The following CD99L2 variants were observed in gnomAD, a reference collection of about 807,000 sequenced individuals.
CD99L2 encodes CD99 molecule like 2, also known as CD99 antigen-like protein 2.
CD99L2 carries 24 observed loss-of-function variants against 27.3 expected under a neutral mutation model. The ratio of observed to expected loss-of-function variants is 0.88; its 90% CI spans 0.64 to 1.24. The LOEUF is 1.24. Among genes scored for constraint, CD99L2 ranks in the 50% most tolerant of loss-of-function variants. The probability of loss-of-function intolerance (pLI) is 0.00; values close to 1 mark genes in which losing one functional copy is unlikely to be tolerated. For synonymous variants in CD99L2, 97 were observed against 87.9 expected, an observed-to-expected ratio of 1.10 and a Z score of -0.58; for missense variants, 255 against 221.6, an observed-to-expected ratio of 1.15 and a Z score of -0.96.
intron 1 of CD99L2, among the ~76,000 whole-genome samples, chrX:150,876,625 C>T (rs1603312628): frequency 8.9e-6 from 1 of 111,959 alleles, no homozygotes; most frequent in African/African-American, 3.3e-5. Flanking sequence ...TAACAGTGAA[C>T]AAAACAGATT....
At chrX:150,826,092 G>A (rs1013531544) in intron 2 of CD99L2, among the ~76,000 whole-genome samples, 66 of 111,647 alleles carry the variant, frequency 5.9e-4, no homozygotes, top group African/African-American at 2.1e-3. Context: ...AGAGGCTTGA[G>A]GCAGCCCTTT....
Position 150,822,760 on chromosome X carries a change from C to T in CD99L2, c.131-6682G>A, listed in dbSNP as rs142089482. ...TATCATGTTATATACCTCAAATATA[C>T]ACAATAAATTTTAAAAATAAAATGG... On this transcript the variant is annotated intron_variant, in intron 2 of 10. Transcript: ENST00000370377. Among the ~76,000 whole-genome samples, 247 of 112,223 alleles carry T rather than the reference C, an allele frequency of 2.2e-3. 1 individual carries two copies. Among genetic ancestry groups the T allele is most frequent in the African/African-American group, 7.1e-3 (221 of 30,914 alleles).
intron 2 of CD99L2, among the ~76,000 whole-genome samples, chrX:150,821,597 T>C (rs1443267173): frequency 8.9e-6 from 1 of 112,235 alleles, no homozygotes; most frequent in Non-Finnish European, 1.9e-5. Context: ...GATTTGGCAA[T>C]GGATACTTAG....
At chrX:150,831,105 G>A (rs189905117) in intron 2 of CD99L2, 126 bp downstream of exon 2, 102 of 573,403 alleles carry the variant, frequency 1.8e-4, no homozygotes, top group Non-Finnish European at 2.5e-4. Context: ...TACCGTGTCC[G>A]GGCACTATCC....
chrX:150,864,600 C>G (rs782006643), intron 1 of CD99L2, among the ~76,000 whole-genome samples: 49 of 112,208 alleles, frequency 4.4e-4, no homozygotes, highest in Non-Finnish European at 7.7e-4. Context: ...GAACAGGGAA[C>G]TGGAGACACT....
In CD99L2 at chrX:150,769,076, C is replaced by T. The variant is rs782656704; in HGVS notation, c.747G>A (p.Gln249=). 1 of 1,165,866 alleles carries T rather than the reference C, an allele frequency of 8.6e-7. No homozygotes were observed. The highest frequency in any genetic ancestry group is 2.9e-5 in the Admixed American group (1 of 34,880). The change falls in exon 11 of 11, where the codon CAG becomes CAA. Residue 249 remains glutamine (Q), a synonymous_variant. Transcript: ENST00000370377. The stretch of plus-strand genomic sequence containing the variant: ...CGGGCGGCGGCGGCGGCTCTGCAGA[C>T]TGCGTGTGCAACGTGGAGTATTTCA... The part of the protein sequence containing the change: ...PQVKYSTLHT[Q]SAEPPPPPEP...
intron 7 of CD99L2, 40 bp downstream of exon 7, chrX:150,793,651 C>T: frequency 9.2e-7 from 1 of 1,088,050 alleles, no homozygotes; most frequent in Non-Finnish European, 1.2e-6. Flanking sequence ...ACCTTTTTCA[C>T]CAGAATAAGG....
At position 150,777,539 on chromosome X, in the gene CD99L2, C is replaced by T. The variant is rs201624370; in HGVS notation, c.497-57G>A. The T allele has an allele frequency of 1.4e-3, 1,573 of 1,142,580 alleles. 17 individuals are homozygous for T. Among genetic ancestry groups the T allele is most frequent in the Non-Finnish European group, 4.3e-4 (365 of 843,314 alleles). The allele number at this position is 1,142,580 out of a possible 1,213,427, so 94.2% of individuals were successfully genotyped here. A position where few individuals can be genotyped will look rare whatever the true frequency, so the allele number is the denominator to read the frequency against. On this transcript the variant is annotated intron_variant, in intron 7 of 10. Coordinates refer to ENST00000370377, the MANE Select transcript of CD99L2 (RefSeq NM_031462.4). ...CGACCAGCCAGCTCAGGCTCGAGCT[C>T]GGGCCTCCGCGAGACGGATGGCAGT...
At chrX:150,794,080 G>C (rs1426940402) in intron 6 of CD99L2, among the ~76,000 whole-genome samples, 1 of 111,517 alleles carries the variant, frequency 9.0e-6, no homozygotes. Flanking sequence ...TCATCAAAAA[G>C]GAGATTATCC....
chrX:150,878,387 C>G (rs2047267489), intron 1 of CD99L2, among the ~76,000 whole-genome samples: 1 of 108,235 alleles, frequency 9.2e-6, no homozygotes. Flanking sequence ...ATGTCCCATT[C>G]ACAACAGGAA....
chrX:150,830,760 T>C (rs1057051871), intron 2 of CD99L2, among the ~76,000 whole-genome samples: 7 of 111,656 alleles, frequency 6.3e-5, no homozygotes, highest in Non-Finnish European at 1.1e-4. Flanking sequence ...AACAAAGGAT[T>C]TAAATATTCA....
chrX:150,773,821 G>C (rs948611982), intron 9 of CD99L2, among the ~76,000 whole-genome samples: 1 of 112,378 alleles, frequency 8.9e-6, no homozygotes, highest in African/African-American at 3.2e-5. Flanking sequence ...TCTCTGTTCT[G>C]GCAGCCCCAG....
intron 1 of CD99L2, among the ~76,000 whole-genome samples, chrX:150,873,825 G>A (rs1038461274): frequency 1.2e-4 from 13 of 111,516 alleles, no homozygotes; most frequent in African/African-American, 4.2e-4. Context: ...CTCCAACCAG[G>A]GCCTGAGCCT....
intron 2 of CD99L2, among the ~76,000 whole-genome samples, chrX:150,824,304 AGAG>A (rs782400184): frequency 0.019 from 1,201 of 62,526 alleles, 67 homozygotes; most frequent in African/African-American, 0.025. Context: ...AAGAAGAAGA[AGAG>A]GAGGAGGAGG....
At chrX:150,796,449 G>A (rs944677060) in intron 4 of CD99L2, among the ~76,000 whole-genome samples, 14 of 112,479 alleles carry the variant, frequency 1.2e-4, no homozygotes, top group Admixed American at 1.2e-3. Flanking sequence ...CCAGGAAGAC[G>A]TAACAATCCT....
chrX:150,867,238 T>C (rs1158173844), intron 1 of CD99L2, among the ~76,000 whole-genome samples: 2 of 110,763 alleles, frequency 1.8e-5, no homozygotes, highest in Non-Finnish European at 3.8e-5. Flanking sequence ...GGCAAAACCC[T>C]GTCTGTACCA....
At chrX:150,770,180 G>C (rs2043417993) in intron 10 of CD99L2, 124 bp downstream of exon 10, 1 of 646,483 alleles carries the variant, frequency 1.5e-6, no homozygotes, top group African/African-American at 2.2e-5. Context: ...GCAGGCTTTT[G>C]CTCTGGCCGG....
At chrX:150,865,156 A>AG (rs1325962511) in intron 1 of CD99L2, among the ~76,000 whole-genome samples, 3 of 109,634 alleles carry the variant, frequency 2.7e-5, no homozygotes, top group East Asian at 2.9e-4. Context: ...TAATGAGGAG[A>AG]GGGGGGGAAA....
chrX:150,789,344 G>A (rs2045648634), intron 7 of CD99L2, among the ~76,000 whole-genome samples: 1 of 110,693 alleles, frequency 9.0e-6, no homozygotes, highest in Non-Finnish European at 1.9e-5. Context: ...GGATGGTCTC[G>A]ATCCCCTGAC....
Sources: gnomAD v4.1 joint callset for allele counts (sites outside exome capture counted in the v4.1 genomes callset) on GRCh38, gnomAD v4.1.1 for gene constraint, MANE v1.5 for transcripts, NCBI Gene and HGNC (gene_info 2026-07-23, HGNC 2026-07-21) for gene names.